TIAM1: variants seen among roughly 807,000 people sequenced by gnomAD.
The protein encoded by TIAM1 is TIAM Rac1 associated GEF 1.
A neutral mutation model predicts 163.5 loss-of-function variants in TIAM1; 65 were observed. The ratio of observed to expected loss-of-function variants is 0.40; its 90% CI spans 0.33 to 0.49. The LOEUF (loss-of-function observed/expected upper bound fraction) is 0.49, where lower values mean the gene tolerates loss of function less well. Ranked by LOEUF, TIAM1 falls within the 20% of genes least tolerant of loss-of-function variation. The pLI is 0.77. For synonymous variants in TIAM1, 833 were observed against 810.1 expected (o/e 1.03, Z -0.48); for missense variants, 1,789 against 2,044.7 (o/e 0.87, Z 2.41).
Position 31,372,255 on chromosome 21 carries a change from A to T in TIAM1, c.-368-32833T>A, listed in dbSNP as rs2076608466. ...TTGTCATCCAAGGTCTATAGGCACC[A>T]TAGCAATCACTTAGCTGGGGTTCCC... On this transcript the variant is annotated intron_variant, in intron 2 of 28. Coordinates refer to the TIAM1 transcript ENST00000286827. 2.0e-5 allele frequency among the ~76,000 whole-genome samples: 3 copies of T among 152,244 alleles called. No homozygotes were observed. The South Asian group carries it at 6.2e-4, about 32-fold the overall frequency.
intron 13 of TIAM1, among the ~76,000 whole-genome samples, chr21:31,193,335 T>C (rs1205888915): frequency 1.3e-5 from 2 of 152,212 alleles, no homozygotes; most frequent in Admixed American, 1.3e-4. Context: ...ATGGGATTTA[T>C]GGTGAACGCC....
intron 6 of TIAM1, among the ~76,000 whole-genome samples, chr21:31,231,281 C>A (rs1267448145): frequency 6.6e-6 from 1 of 152,196 alleles, no homozygotes; most frequent in African/African-American, 2.4e-5. Context: ...CAGCCTAATT[C>A]TATCCATCCT....
chr21:31,297,990 T>A (rs1164423753), intron 2 of TIAM1, among the ~76,000 whole-genome samples: 4 of 152,196 alleles, frequency 2.6e-5, no homozygotes, highest in African/African-American at 4.8e-5. Context: ...TGCAGGGTGC[T>A]TCATAATTTG....
chr21:31,485,243 C>T (rs2046233711), intron 1 of TIAM1, among the ~76,000 whole-genome samples: 1 of 152,182 alleles, frequency 6.6e-6, no homozygotes, highest in Non-Finnish European at 1.5e-5. Flanking sequence ...GCATGCCTCA[C>T]TCCATGCCTC....
intron 1 of TIAM1, among the ~76,000 whole-genome samples, chr21:31,536,260 G>A (rs1207102769): frequency 6.6e-6 from 1 of 152,174 alleles, no homozygotes. Context: ...AAATTGCATC[G>A]TCCGAGGTCA....
chr21:31,160,093 C>A (rs2083836096), intron 16 of TIAM1, among the ~76,000 whole-genome samples: 1 of 152,150 alleles, frequency 6.6e-6, no homozygotes, highest in Non-Finnish European at 1.5e-5. Flanking sequence ...GCACGTAACA[C>A]AAAACACAAT....
chr21:31,437,356 G>C (rs1452091794), intron 2 of TIAM1, among the ~76,000 whole-genome samples: 1 of 152,066 alleles, frequency 6.6e-6, no homozygotes, highest in Non-Finnish European at 1.5e-5. Context: ...ACAAAAATTA[G>C]CTGGACGTGG....
At chr21:31,398,633 G>C (rs1385114779) in intron 2 of TIAM1, among the ~76,000 whole-genome samples, 2 of 152,246 alleles carry the variant, frequency 1.3e-5, no homozygotes, top group Admixed American at 6.5e-5. Context: ...ACAGTTCCCA[G>C]ACAGGAAAAT....
intron 11 of TIAM1, 36 bp from the exon 12 acceptor site, chr21:31,203,048 G>A (rs778088766): frequency 6.5e-7 from 1 of 1,529,972 alleles, no homozygotes; most frequent in South Asian, 1.1e-5. Context: ...GAAAATGTCT[G>A]TTCAATAGTA....
At chr21:31,470,895 A>G (rs1286821183) in intron 1 of TIAM1, among the ~76,000 whole-genome samples, 1 of 152,122 alleles carries the variant, frequency 6.6e-6, no homozygotes, top group Non-Finnish European at 1.5e-5. Context: ...GCTGGGCTGG[A>G]GGAAGGACCA....
intron 2 of TIAM1, among the ~76,000 whole-genome samples, chr21:31,402,502 G>A (rs1327351651): frequency 2.6e-5 from 4 of 152,004 alleles, no homozygotes; most frequent in Non-Finnish European, 4.4e-5. Flanking sequence ...TACAAGGCCC[G>A]CACAACCCTG....
chr21:31,209,786 T>C (rs2086633794), intron 11 of TIAM1, among the ~76,000 whole-genome samples: 1 of 152,252 alleles, frequency 6.6e-6, no homozygotes, highest in Non-Finnish European at 1.5e-5. Context: ...GAGCATGTGA[T>C]ACATGCATTA....
chr21:31,411,220 G>A (rs1187302843), intron 2 of TIAM1, among the ~76,000 whole-genome samples: 1 of 152,140 alleles, frequency 6.6e-6, no homozygotes, highest in Non-Finnish European at 1.5e-5. Flanking sequence ...GCTGTGCCTT[G>A]AACTTAAAAT....
intron 1 of TIAM1, among the ~76,000 whole-genome samples, chr21:31,490,676 G>C (rs2046434940): frequency 6.6e-6 from 1 of 152,200 alleles, no homozygotes; most frequent in African/African-American, 2.4e-5. Context: ...GCCACCAATG[G>C]AACAAGACAG....
chr21:31,474,137 TCACCATGGGGATGG>T (rs994153452), intron 1 of TIAM1, among the ~76,000 whole-genome samples: 2 of 152,062 alleles, frequency 1.3e-5, no homozygotes, highest in Non-Finnish European at 2.9e-5. Flanking sequence ...AGCTCACTCA[TCACCATGGGGATGG>T]CACCAAGCCG....
intron 16 of TIAM1, among the ~76,000 whole-genome samples, chr21:31,163,049 T>C (rs1313050592): frequency 6.6e-6 from 1 of 152,094 alleles, no homozygotes; most frequent in East Asian, 1.9e-4. Context: ...ATATTTAACA[T>C]GGAAACGATC....
intron 2 of TIAM1, among the ~76,000 whole-genome samples, chr21:31,441,293 C>T (rs2044408654): frequency 6.6e-6 from 1 of 152,172 alleles, no homozygotes; most frequent in African/African-American, 2.4e-5. Context: ...GCCCAAGCAT[C>T]CCCCTGCATA....
chr21:31,554,968 G>A (rs2048823456), intron 1 of TIAM1, among the ~76,000 whole-genome samples: 3 of 152,140 alleles, frequency 2.0e-5, no homozygotes, highest in Admixed American at 2.0e-4. Context: ...AAGGTCTTAT[G>A]CTGGAGGGTG....
At chr21:31,132,642 C>A (rs1271538383) in intron 23 of TIAM1, among the ~76,000 whole-genome samples, 1 of 152,188 alleles carries the variant, frequency 6.6e-6, no homozygotes, top group Non-Finnish European at 1.5e-5. Context: ...TCAATCTTAA[C>A]CATTGTGGAT....
Sources: allele counts gnomAD v4.1 joint callset (sites outside exome capture counted in the v4.1 genomes callset), GRCh38; gene constraint gnomAD v4.1.1; transcripts MANE v1.5; gene names NCBI Gene and HGNC (gene_info 2026-07-23, HGNC 2026-07-21).